The following TRRAP variants were observed in gnomAD, a reference collection of about 807,000 sequenced individuals.
TRRAP encodes the protein transformation/transcription domain associated protein, also known as transformation/transcription domain-associated protein.
A neutral mutation model predicts 438.8 loss-of-function variants in TRRAP; 41 were observed. That is an observed-to-expected ratio of 0.09 (90% CI 0.07 to 0.12). TRRAP has a LOEUF of 0.12. TRRAP is among the 10% of genes least tolerant of loss of function. The pLI is 1.00. For missense variants in TRRAP, 3,122 were observed against 5,055.1 expected, an observed-to-expected ratio of 0.62 and a Z score of 11.60; for synonymous variants, 1,994 against 1,962.9, an observed-to-expected ratio of 1.02 and a Z score of -0.42.
Position 99,004,377 on chromosome 7 carries a change from G to A in TRRAP, c.10497G>A (p.Leu3499=). 6.2e-7 allele frequency: 1 copy of A among 1,614,172 alleles called. No individual in the cohort carries two copies. The highest frequency in any genetic ancestry group is 8.5e-7 in the Non-Finnish European group (1 of 1,180,036). Residue 3499 remains leucine (L), a synonymous_variant, in exon 68 of 73, where the codon CTG becomes CTA. Transcript: ENST00000456197. ...TAEVEIPGEF[L]MPKPTHYYIK... ...AAGTGGAAATTCCTGGGGAGTTTCTGATGCCAAAGCCAACGCATTATTACA... is the reference window on the plus strand; with the variant it reads ...AAGTGGAAATTCCTGGGGAGTTTCTAATGCCAAAGCCAACGCATTATTACA...
intron 10 of TRRAP, among the ~76,000 whole-genome samples, 181 bp from the exon 11 acceptor site, chr7:98,900,443 C>T (rs1554406493): frequency 6.6e-6 from 1 of 152,126 alleles, no homozygotes; most frequent in Non-Finnish European, 1.5e-5. Flanking sequence ...GGTGTGTTTC[C>T]TTAAAACTTT....
chr7:98,927,410 T>G (rs934257284), intron 23 of TRRAP, 44 bp downstream of exon 23: 4 of 1,591,396 alleles, frequency 2.5e-6, no homozygotes, highest in South Asian at 1.1e-5. Flanking sequence ...GTTCTTTGAC[T>G]TTTATAGGTG....
rs1205424239 is a variant in TRRAP, at chr7:99,011,596, C to T, written c.11337+61C>T. 1.1e-5 allele frequency: 17 copies of T among 1,552,898 alleles called. No homozygotes were observed. The highest frequency in any genetic ancestry group is 1.5e-5 in the Non-Finnish European group (17 of 1,149,748). On this transcript the variant is annotated intron_variant, in intron 72 of 72. Transcript: ENST00000456197. The surrounding 1 kb of genome is among the most constrained non-coding windows in gnomAD (Gnocchi z 7.1). Reference sequence around the variant, plus strand: ...TAGAGCCACTCAGATGCCCGCGCGTCACGGCCTTGCAGGAGCTGCTGATGT... The same window carrying T: ...TAGAGCCACTCAGATGCCCGCGCGTTACGGCCTTGCAGGAGCTGCTGATGT...
Position 99,005,022 on chromosome 7 carries a change from C to A in TRRAP, c.10536-109C>A. ...AATAAATTGATAAACGACCGCTGGC[C>A]TACACAGTCCGTTTTCCCGTGACAG... On this transcript the variant is annotated intron_variant, in intron 68 of 72. Coordinates refer to ENST00000456197, the MANE Select transcript of TRRAP (RefSeq NM_001375524.1). This position sits in a 1 kb window ranked among gnomAD's most constrained non-coding sequence, Gnocchi z 5.1. The A allele has an allele frequency of 9.1e-7, 1 of 1,099,244 alleles. No individual in the cohort carries two copies. The highest frequency in any genetic ancestry group is 1.4e-6 in the Non-Finnish European group (1 of 736,544). The allele number at this position is 1,099,244 out of a possible 1,614,324, so 68.1% of individuals were successfully genotyped here. A position where few individuals can be genotyped will look rare whatever the true frequency, so the allele number is the denominator to read the frequency against.
chr7:98,920,331 T>A (rs1164440621), intron 20 of TRRAP, among the ~76,000 whole-genome samples: 7 of 152,114 alleles, frequency 4.6e-5, no homozygotes, highest in African/African-American at 1.7e-4. Context: ...CTGGGCATGG[T>A]GGTGCATGCC....
chr7:99,009,282 G>A (rs1794328084), intron 70 of TRRAP, among the ~76,000 whole-genome samples: 1 of 152,132 alleles, frequency 6.6e-6, no homozygotes, highest in South Asian at 2.1e-4. Flanking sequence ...CTTTCTATGG[G>A]TCCCAAGAAG....
At chr7:98,901,749 A>G (rs1796479651) in intron 11 of TRRAP, among the ~76,000 whole-genome samples, 2 of 152,136 alleles carry the variant, frequency 1.3e-5, no homozygotes, top group Admixed American at 1.3e-4. Flanking sequence ...AGGTTTGGCC[A>G]TGTTGCCCAG....
At chr7:98,973,740 A>C (rs559408702) in intron 53 of TRRAP, among the ~76,000 whole-genome samples, 2 of 152,192 alleles carry the variant, frequency 1.3e-5, no homozygotes, top group African/African-American at 4.8e-5. Context: ...GACGTCAGCC[A>C]TACTGTTCCC....
At chr7:98,889,916 A>G (rs1005470239) in intron 3 of TRRAP, among the ~76,000 whole-genome samples, 18 of 152,292 alleles carry the variant, frequency 1.2e-4, no homozygotes, top group Non-Finnish European at 7.4e-5. Flanking sequence ...AGATTATAAT[A>G]TAATTAGTAT....
rs1157434219 is a variant in TRRAP, at chr7:99,012,473, G to T, written c.*118G>T. ...CACAGAAGCCCCATAGTTTCACTGG[G>T]TTGCGGTTATTTTCCTGGTAGTTTG... On this transcript the variant is annotated 3_prime_UTR_variant, in exon 73 of 73. Coordinates refer to ENST00000456197, the MANE Select transcript of TRRAP (RefSeq NM_001375524.1). This position sits in a 1 kb window ranked among gnomAD's most constrained non-coding sequence, Gnocchi z 5.9. The T allele has an allele frequency of 2.4e-6, 3 of 1,268,538 alleles. No individual in the cohort carries two copies. Among genetic ancestry groups the T allele is most frequent in the Non-Finnish European group, 2.1e-6 (2 of 940,862 alleles). 78.6% of individuals were successfully genotyped at this position (1,268,538 alleles called of 1,614,324 possible).
rs2116686352 is a variant in TRRAP at position 98,965,857 on chromosome 7, G to A, written c.7138G>A (p.Glu2380Lys). 1 of 1,614,186 alleles carries A rather than the reference G, an allele frequency of 6.2e-7. No homozygotes were observed. Among genetic ancestry groups the A allele is most frequent in the Non-Finnish European group, 8.5e-7 (1 of 1,180,040 alleles). Residue 2380 changes from glutamate (E) to lysine (K), a missense_variant, in exon 49 of 73, where the codon GAA becomes AAA. Glu to Lys is a moderately conservative substitution (Grantham distance 56). This residue lies in a region of TRRAP where 992 missense variants were observed against 1,281.2 expected (regional missense o/e 0.77). Coordinates refer to ENST00000456197, the MANE Select transcript of TRRAP (RefSeq NM_001375524.1). ...ILRAVVKIVE[E>K]WVKNNSPMAA... ...CCGGGCTGTGGTCAAAATCGTGGAA[G>A]AATGGGTCAAGAATAACTCCCCAAT...
At position 98,970,223 on chromosome 7, in the gene TRRAP, G is replaced by T. The variant is rs367721686; in HGVS notation, c.7624G>T (p.Ala2542Ser). Residue 2542 changes from alanine to serine, a missense_variant, in exon 52 of 73, where the codon GCC becomes TCC. Physicochemically the swap from Ala to Ser is moderately conservative, Grantham distance 99 (BLOSUM62 1). Around this residue, in one of 24 missense-constraint regions of TRRAP, gnomAD observed 992 missense variants for 1,281.2 expected, o/e 0.77. Coordinates refer to ENST00000456197, the MANE Select transcript of TRRAP (RefSeq NM_001375524.1). ...CCTGGCCGATAGCCACGACCGTGCC[G>T]CCTTCGCCATGGTCACACATGTCAA... Reference protein sequence around the residue: ...INLADSHDRAAFAMVTHVKQE... With the variant: ...INLADSHDRASFAMVTHVKQE... 6.2e-7 allele frequency: 1 copy of T among 1,613,622 alleles called. No individual in the cohort carries two copies. The highest frequency in any genetic ancestry group is 1.1e-5 in the South Asian group (1 of 91,072).
chr7:98,954,880 C>T (rs1335820185), intron 40 of TRRAP, among the ~76,000 whole-genome samples: 1 of 152,216 alleles, frequency 6.6e-6, no homozygotes, highest in Non-Finnish European at 1.5e-5. Flanking sequence ...CCTAGTTCAG[C>T]ACGGGCACGT....
intron 17 of TRRAP, among the ~76,000 whole-genome samples, chr7:98,911,707 A>G (rs1366331471): frequency 6.6e-6 from 1 of 151,896 alleles, no homozygotes; most frequent in Non-Finnish European, 1.5e-5. Flanking sequence ...TTGAGGCTGC[A>G]GTGAGCTGAG....
rs1472871206 is a variant in TRRAP at position 98,964,773 on chromosome 7, C to T, written c.6974C>T (p.Ser2325Leu). Residue 2325 changes from serine (S) to leucine (L), a missense_variant and splice_region_variant, in exon 48 of 73, where the codon TCA becomes TTA. Physicochemically the swap from Ser to Leu is moderately radical, Grantham distance 145 (BLOSUM62 -2). This residue lies in a region of TRRAP where 992 missense variants were observed against 1,281.2 expected (regional missense o/e 0.77). Coordinates refer to ENST00000456197, the MANE Select transcript of TRRAP (RefSeq NM_001375524.1). The part of the protein sequence containing the change: ...QAASGSTEAT[S>L]GTSELVMLSL... ...GCGTCAGGAAGCACCGAAGCCACCTCAGGTGATGTGCTGGCCACCGGGGGC... is the reference window on the plus strand; with the variant it reads ...GCGTCAGGAAGCACCGAAGCCACCTTAGGTGATGTGCTGGCCACCGGGGGC... 2 of 1,612,066 alleles carry T rather than the reference C, an allele frequency of 1.2e-6. No homozygotes were observed. Among genetic ancestry groups the T allele is most frequent in the South Asian group, 1.1e-5 (1 of 90,692 alleles).
chr7:98,990,701 A>G lies in TRRAP; in HGVS notation c.9756+82A>G, dbSNP rs1048411564. On this transcript the variant is annotated intron_variant, in intron 64 of 72. Transcript: ENST00000456197. ...CGTTCTTTTTTCTCCCAGAAAGTAA[A>G]TTTGAGTGTTCAAAGTATTAAAAAC... The G allele has an allele frequency of 1.1e-5, 16 of 1,478,506 alleles. No individual in the cohort carries two copies. In the African/African-American group the frequency reaches 2.2e-4, roughly 21 times the overall value. 91.6% of individuals were successfully genotyped at this position (1,478,506 alleles called of 1,614,324 possible).
In TRRAP at chr7:98,989,051, G is replaced by A. The variant is rs1208063060; in HGVS notation, c.9591+85G>A. 1.6e-5 allele frequency: 22 copies of A among 1,406,296 alleles called. No individual in the cohort carries two copies. In the Admixed American group the frequency reaches 1.6e-4, roughly 10 times the overall value. 87.1% of individuals were successfully genotyped at this position (1,406,296 alleles called of 1,614,324 possible). ...AAATTTAGCTATAGTTTACTCATCC[G>A]TGCCGGGTGTGAGGCATGATTTCAT... is the stretch of plus-strand genomic sequence containing the variant. On this transcript the variant is annotated intron_variant, in intron 63 of 72. Transcript: ENST00000456197.
chr7:98,903,577 C>A, intron 12 of TRRAP, 60 bp downstream of exon 12: 1 of 1,601,504 alleles, frequency 6.2e-7, no homozygotes, highest in Non-Finnish European at 8.5e-7. Flanking sequence ...TCTTTGGGGA[C>A]TCGGCTGACA....
chr7:98,954,979 C>T, intron 40 of TRRAP, 119 bp from the exon 41 acceptor site: 1 of 1,022,020 alleles, frequency 9.8e-7, no homozygotes, highest in South Asian at 1.7e-5. Context: ...TAAGAAAGTC[C>T]TAAGAAGTTT....
Sources: gnomAD v4.1 joint callset for allele counts (sites outside exome capture counted in the v4.1 genomes callset) on GRCh38, gnomAD v4.1.1 for gene constraint, gnomAD v4.1.1 regional missense constraint, Gnocchi (gnomAD v3.1) non-coding constraint, MANE v1.5 for transcripts, NCBI Gene and HGNC (gene_info 2026-07-23, HGNC 2026-07-21) for gene names.